Variants in CAB39L observed in about 807,000 individuals in gnomAD.
CAB39L encodes calcium-binding protein 39-like.
In CAB39L, 23 loss-of-function variants were observed where a neutral mutation model predicts 39.1. That is an observed-to-expected ratio of 0.59 (90% CI 0.42 to 0.83). The LOEUF is 0.83. Among genes scored for constraint, CAB39L ranks in the 40% least tolerant of loss-of-function variants. The pLI is 0.00. For missense variants in CAB39L, 366 were observed against 391.9 expected (o/e 0.93, Z 0.56); for synonymous variants, 126 against 137.2 (o/e 0.92, Z 0.57).
chr13:49,437,002 C>A (rs1478653790), intron 1 of CAB39L, among the ~76,000 whole-genome samples: 1 of 152,128 alleles, frequency 6.6e-6, no homozygotes, highest in Non-Finnish European at 1.5e-5. Context: ...AACTCCTGGG[C>A]TCAAGTGATC....
At chr13:49,375,018 T>TA (rs1351548067) in intron 5 of CAB39L, among the ~76,000 whole-genome samples, 1 of 151,830 alleles carries the variant, frequency 6.6e-6, no homozygotes, top group African/African-American at 2.4e-5. Context: ...CAACTAAATC[T>TA]AAAAAAAATC....
chr13:49,421,419 CA>C (rs930686344), intron 3 of CAB39L, among the ~76,000 whole-genome samples: 6 of 152,308 alleles, frequency 3.9e-5, no homozygotes, highest in African/African-American at 1.4e-4. Flanking sequence ...AAATGGGGAA[CA>C]AGGGGAAAGT....
chr13:49,331,977 G>A lies in CAB39L; in HGVS notation c.804C>T (p.Asn268=), dbSNP rs1954711856. 6.2e-7 allele frequency: 1 copy of A among 1,614,142 alleles called. No individual in the cohort carries two copies. Among genetic ancestry groups the A allele is most frequent in the Non-Finnish European group, 8.5e-7 (1 of 1,179,988 alleles). The change falls in exon 10 of 11, where the codon AAC becomes AAT. Residue 268 remains asparagine (N), a synonymous_variant. Transcript: ENST00000409308. The part of the protein sequence containing the change: ...MMNLLRDKSP[N]IQFEAFHVFK... ...AAACATGAAAGGCTTCAAACTGGAT[G>A]TTGGGACTTTTATCCCGAAGGAGGT...
chr13:49,433,231 G>T, intron 3 of CAB39L, 87 bp downstream of exon 3: 1 of 321,018 alleles, frequency 3.1e-6, no homozygotes, highest in Non-Finnish European at 6.1e-6. Context: ...ATTTATTCCT[G>T]ATACATTTTA....
chr13:49,413,216 G>A (rs977985192), intron 3 of CAB39L, among the ~76,000 whole-genome samples: 7 of 151,938 alleles, frequency 4.6e-5, no homozygotes, highest in Non-Finnish European at 8.8e-5. Context: ...AATATGCAAG[G>A]GACCAAGGTA....
At chr13:49,325,519 T>C (rs955072774) in intron 10 of CAB39L, among the ~76,000 whole-genome samples, 3 of 152,154 alleles carry the variant, frequency 2.0e-5, no homozygotes, top group Admixed American at 1.3e-4. Context: ...CCGGGAGTGG[T>C]GGCTCACGCC....
chr13:49,311,095 T>C (rs565233165), intron 10 of CAB39L, 102 bp from the exon 11 acceptor site: 2 of 934,210 alleles, frequency 2.1e-6, no homozygotes, highest in East Asian at 2.4e-5. Flanking sequence ...TCGCGTTTCA[T>C]GCGTGACTGA....
intron 8 of CAB39L, among the ~76,000 whole-genome samples, chr13:49,342,580 G>A (rs1039772581): frequency 6.6e-6 from 1 of 152,176 alleles, no homozygotes; most frequent in Non-Finnish European, 1.5e-5. Context: ...ACTAGACTGG[G>A]TGATGGAGAC....
At chr13:49,336,149 A>T (rs2138410241) in intron 9 of CAB39L, among the ~76,000 whole-genome samples, 1 of 152,184 alleles carries the variant, frequency 6.6e-6, no homozygotes, top group African/African-American at 2.4e-5. Context: ...AAAAGAGTAA[A>T]CAATATTTAA....
Position 49,374,026 on chromosome 13 carries a change from A to G in CAB39L, c.276+2941T>C, listed in dbSNP as rs533509945. On this transcript the variant is annotated intron_variant, in intron 5 of 10. Coordinates refer to ENST00000409308, the MANE Select transcript of CAB39L (RefSeq NM_001079670.3). ...CCTCCTTCCTGAAAATACTGTATGT[A>G]GTTGGAATGCTTAAAATGGAACTGT... 2.0e-5 allele frequency among the ~76,000 whole-genome samples: 3 copies of G among 152,344 alleles called. No individual in the cohort carries two copies. The South Asian group carries it at 6.2e-4, about 32-fold the overall frequency.
intron 10 of CAB39L, among the ~76,000 whole-genome samples, chr13:49,329,544 A>AAAAATATAT (rs1555252274): frequency 5.9e-5 from 2 of 33,836 alleles, no homozygotes; most frequent in African/African-American, 1.6e-4. Flanking sequence ...TAAAAAAAAA[A>AAAAATATAT]ATATATATAT....
intron 3 of CAB39L, among the ~76,000 whole-genome samples, chr13:49,427,306 C>A (rs910809992): frequency 1.3e-5 from 2 of 152,144 alleles, no homozygotes; most frequent in African/African-American, 4.8e-5. Flanking sequence ...CTCCAAGATA[C>A]TTTAGATTTA....
intron 1 of CAB39L, among the ~76,000 whole-genome samples, chr13:49,439,114 G>A (rs969842530): frequency 1.3e-5 from 2 of 151,258 alleles, no homozygotes; most frequent in Non-Finnish European, 3.0e-5. Flanking sequence ...TTTTCTTATC[G>A]TACTTTCTGT....
At chr13:49,314,719 A>G (rs1204296655) in intron 10 of CAB39L, among the ~76,000 whole-genome samples, 1 of 152,102 alleles carries the variant, frequency 6.6e-6, no homozygotes, top group Non-Finnish European at 1.5e-5. Flanking sequence ...AAATCCTAGC[A>G]CCATCTCTTA....
Position 49,350,150 on chromosome 13 carries a change from C to T in CAB39L, c.564+594G>A, listed in dbSNP as rs528255083. ...CCTAACAATGTGAATATATTGCATC[C>T]TACGATTTCCTACATAGTGACAAAG... On this transcript the variant is annotated intron_variant, in intron 7 of 10. Transcript: ENST00000409308. Among the ~76,000 whole-genome samples, 38 of 152,228 alleles carry T rather than the reference C, an allele frequency of 2.5e-4. 1 individual carries two copies. The highest frequency in any genetic ancestry group is 8.2e-4 in the African/African-American group (34 of 41,540).
intron 1 of CAB39L, among the ~76,000 whole-genome samples, chr13:49,435,424 T>C (rs1566140869): frequency 2.0e-5 from 3 of 152,252 alleles, no homozygotes; most frequent in Admixed American, 6.5e-5. Flanking sequence ...ACAGGGCCTA[T>C]TGTATAACTT....
chr13:49,422,661 C>T (rs1323323870), intron 3 of CAB39L, among the ~76,000 whole-genome samples: 1 of 151,102 alleles, frequency 6.6e-6, no homozygotes, highest in Admixed American at 6.6e-5. Flanking sequence ...GTCCCCCAGG[C>T]TGGTCTCAAA....
chr13:49,313,480 CAA>C (rs61510865), intron 10 of CAB39L, among the ~76,000 whole-genome samples: 19 of 104,362 alleles, frequency 1.8e-4, no homozygotes, highest in African/African-American at 1.3e-4. Flanking sequence ...GACTCCGTCT[CAA>C]AAAAAAAAAA....
In CAB39L at chr13:49,346,120, T is replaced by TATATATATATATA. The variant is rs10663110; in HGVS notation, c.565-1883_565-1882insTATATATATATAT. 2.9e-4 allele frequency among the ~76,000 whole-genome samples: 26 copies of TATATATATATATA among 88,480 alleles called. 2 individuals carry two copies. Among genetic ancestry groups the TATATATATATATA allele is most frequent in the South Asian group, 3.7e-4 (1 of 2,706 alleles). 58.0% of individuals were successfully genotyped at this position (88,480 alleles called of 152,430 possible). On this transcript the variant is annotated intron_variant, in intron 7 of 10. Coordinates refer to ENST00000409308, the MANE Select transcript of CAB39L (RefSeq NM_001079670.3). Reference sequence around the variant, plus strand: ...TGCTAGATATATATATATATATATATATATCATGGATACAGCCAATAAACA... The same window carrying TATATATATATATA: ...TGCTAGATATATATATATATATATATATATATATATATAATATCATGGATACAGCCAATAAACA...
Sources: allele counts gnomAD v4.1 joint callset (sites outside exome capture counted in the v4.1 genomes callset), GRCh38; gene constraint gnomAD v4.1.1; transcripts MANE v1.5; gene names NCBI Gene and HGNC (gene_info 2026-07-23, HGNC 2026-07-21).